Variants in LUZP2 observed in about 807,000 individuals in gnomAD.
LUZP2 encodes leucine zipper protein 2.
A neutral mutation model predicts 51.6 loss-of-function variants in LUZP2; 52 were observed. The observed-to-expected ratio is 1.01, with a 90% CI of 0.81 to 1.27. The LOEUF is 1.27. Ranked by LOEUF, LUZP2 falls within the 50% of genes most tolerant of loss-of-function variation. The probability of loss-of-function intolerance (pLI) is 0.00; values close to 1 mark genes in which losing one functional copy is unlikely to be tolerated. For missense variants in LUZP2, 436 were observed against 395.4 expected, an observed-to-expected ratio of 1.10 and a Z score of -0.87; for synonymous variants, 154 against 137.3, an observed-to-expected ratio of 1.12 and a Z score of -0.85.
chr11:25,014,694 G>A, intron 9 of LUZP2, among the ~76,000 whole-genome samples: 1 of 152,174 alleles, frequency 6.6e-6, no homozygotes, highest in East Asian at 1.9e-4. Context: ...CTCCCATTCT[G>A]TAGGTTACCT....
At chr11:24,742,059 A>ATATATATG (rs1859201086) in intron 4 of LUZP2, among the ~76,000 whole-genome samples, 1 of 70,040 alleles carries the variant, frequency 1.4e-5, no homozygotes, top group Admixed American at 1.4e-4. Context: ...AAATATAATT[A>ATATATATG]TATATATATA....
chr11:24,535,221 T>C (rs554651176), intron 1 of LUZP2, among the ~76,000 whole-genome samples: 1 of 151,648 alleles, frequency 6.6e-6, no homozygotes, highest in African/African-American at 2.4e-5. Flanking sequence ...TACCTCAATG[T>C]TGATGGCTAT....
At chr11:24,657,355 C>T (rs929178635) in intron 1 of LUZP2, among the ~76,000 whole-genome samples, 2 of 151,990 alleles carry the variant, frequency 1.3e-5, no homozygotes, top group African/African-American at 2.4e-5. Flanking sequence ...AAATAGTGTA[C>T]GTTTAGAACT....
At chr11:24,829,701 G>A (rs1850643101) in intron 5 of LUZP2, among the ~76,000 whole-genome samples, 1 of 152,182 alleles carries the variant, frequency 6.6e-6, no homozygotes, top group Non-Finnish European at 1.5e-5. Flanking sequence ...GAAGGAAAAT[G>A]TTAGATTGTT....
chr11:24,721,137 GT>G (rs1858254504), intron 1 of LUZP2, among the ~76,000 whole-genome samples: 1 of 152,176 alleles, frequency 6.6e-6, no homozygotes, highest in African/African-American at 2.4e-5. Context: ...TGCCTTTGGA[GT>G]GTCACATGAC....
chr11:25,071,788 T>A (rs535953638), intron 10 of LUZP2, among the ~76,000 whole-genome samples: 6 of 151,548 alleles, frequency 4.0e-5, no homozygotes, highest in Non-Finnish European at 5.9e-5. Flanking sequence ...CTGCATGTTG[T>A]GCACATGTGC....
At chr11:24,837,111 C>G (rs747073043) in intron 5 of LUZP2, among the ~76,000 whole-genome samples, 29 of 151,618 alleles carry the variant, frequency 1.9e-4, no homozygotes, top group Non-Finnish European at 3.4e-4. Flanking sequence ...CCTCTGTGTC[C>G]TACCCCCTTT....
chr11:24,640,441 T>A (rs1855240264), intron 1 of LUZP2, among the ~76,000 whole-genome samples: 1 of 152,000 alleles, frequency 6.6e-6, no homozygotes, highest in Non-Finnish European at 1.5e-5. Context: ...TAGATGCGGT[T>A]GTGCATCTGA....
At position 24,637,048 on chromosome 11, in the gene LUZP2, T is replaced by C. The variant is rs188942785; in HGVS notation, c.63-92121T>C. Among the ~76,000 whole-genome samples, 142 of 151,806 alleles carry C rather than the reference T, an allele frequency of 9.4e-4. 4 individuals are homozygous for C. The highest frequency in any genetic ancestry group is 3.3e-3 in the African/African-American group (136 of 41,274). On this transcript the variant is annotated intron_variant, in intron 1 of 11. Coordinates refer to ENST00000336930, the MANE Select transcript of LUZP2 (RefSeq NM_001009909.4). Reference sequence around the variant, plus strand: ...TTAACAGTTTAAAAAGGGAAAATCTTGATGTTACATTAATATATAATCTTT... The same window carrying C: ...TTAACAGTTTAAAAAGGGAAAATCTCGATGTTACATTAATATATAATCTTT...
intron 1 of LUZP2, among the ~76,000 whole-genome samples, chr11:24,634,632 C>CAAA (rs5790423): frequency 2.8e-5 from 4 of 141,000 alleles, no homozygotes; most frequent in Non-Finnish European, 1.6e-5. Flanking sequence ...TTTATAACTT[C>CAAA]AAAAAAAAAA....
At chr11:25,066,755 G>A (rs1859007194) in intron 10 of LUZP2, among the ~76,000 whole-genome samples, 1 of 151,886 alleles carries the variant, frequency 6.6e-6, no homozygotes, top group South Asian at 2.1e-4. Context: ...AGAGTTAAAA[G>A]TTTAATTCAA....
chr11:24,666,848 C>T (rs1590320892), intron 1 of LUZP2, among the ~76,000 whole-genome samples: 1 of 152,144 alleles, frequency 6.6e-6, no homozygotes, highest in East Asian at 1.9e-4. Context: ...TAAAGAAAAA[C>T]CAGGATCTTG....
At chr11:24,580,390 T>A (rs536646283) in intron 1 of LUZP2, among the ~76,000 whole-genome samples, 128 of 152,222 alleles carry the variant, frequency 8.4e-4, no homozygotes, top group African/African-American at 3.0e-3. Flanking sequence ...CTTTTCCTTC[T>A]CTGTTGCTGT....
chr11:24,887,832 A>G (rs1234524558), intron 5 of LUZP2, among the ~76,000 whole-genome samples: 1 of 152,216 alleles, frequency 6.6e-6, no homozygotes, highest in East Asian at 1.9e-4. Context: ...GACCTCAAGC[A>G]GTCATATAAA....
intron 5 of LUZP2, among the ~76,000 whole-genome samples, chr11:24,854,318 C>T (rs1172615868): frequency 5.3e-5 from 8 of 152,192 alleles, no homozygotes; most frequent in Admixed American, 3.9e-4. Context: ...GATGCCCTGG[C>T]CCAGAGAGAA....
intron 5 of LUZP2, among the ~76,000 whole-genome samples, chr11:24,772,973 C>T (rs1848795273): frequency 6.6e-6 from 1 of 151,984 alleles, no homozygotes; most frequent in Admixed American, 6.6e-5. Context: ...TAACTTATTT[C>T]CAAATAAGTT....
In LUZP2 at chr11:25,080,496, A is replaced by G. The variant is rs1859432962; in HGVS notation, c.*1838A>G. 6.6e-6 allele frequency: 1 copy of G among 152,134 alleles called. No homozygotes were observed. Among genetic ancestry groups the G allele is most frequent in the Admixed American group, 6.5e-5 (1 of 15,274 alleles). The allele number at this position is 152,134 out of a possible 1,614,324, so 9.4% of individuals were successfully genotyped here. A position where few individuals can be genotyped will look rare whatever the true frequency, so the allele number is the denominator to read the frequency against. On this transcript the variant is annotated 3_prime_UTR_variant, in exon 12 of 12. Coordinates refer to ENST00000336930, the MANE Select transcript of LUZP2 (RefSeq NM_001009909.4). ...CGGCTACCCAAGGAAAAAAATAATT[A>G]GCTTTATGGATGATCCATAGAGCTT...
intron 1 of LUZP2, among the ~76,000 whole-genome samples, chr11:24,644,824 A>T (rs1855415105): frequency 6.6e-6 from 1 of 152,138 alleles, no homozygotes; most frequent in South Asian, 2.1e-4. Flanking sequence ...TTTGTGTGTT[A>T]TTTAAATGGA....
intron 4 of LUZP2, among the ~76,000 whole-genome samples, chr11:24,762,471 G>A (rs182118896): frequency 5.3e-5 from 8 of 152,018 alleles, no homozygotes; most frequent in African/African-American, 1.9e-4. Flanking sequence ...AAATTCACCT[G>A]TGTCATTACT....
Sources: gnomAD v4.1 joint callset for allele counts (sites outside exome capture counted in the v4.1 genomes callset) on GRCh38, gnomAD v4.1.1 for gene constraint, MANE v1.5 for transcripts, NCBI Gene and HGNC (gene_info 2026-07-23, HGNC 2026-07-21) for gene names.